The following SOX6 variants were observed in gnomAD, a reference collection of about 807,000 sequenced individuals.
SOX6 encodes SRY-box transcription factor 6.
A neutral mutation model predicts 97.8 loss-of-function variants in SOX6; 11 were observed. That is an observed-to-expected ratio of 0.11 (90% CI 0.07 to 0.19). The LOEUF is 0.19. SOX6 is among the 10% of genes least tolerant of loss of function. The probability of loss-of-function intolerance (pLI) is 1.00; values close to 1 mark genes in which losing one functional copy is unlikely to be tolerated. For missense variants in SOX6, 810 were observed against 1,039.5 expected (o/e 0.78, Z 3.04); for synonymous variants, 360 against 371.4 (o/e 0.97, Z 0.35).
At chr11:16,386,636 T>C (rs1857994942) in intron 1 of SOX6, among the ~76,000 whole-genome samples, 1 of 152,154 alleles carries the variant, frequency 6.6e-6, no homozygotes, top group Non-Finnish European at 1.5e-5. Context: ...GCTTCTTTTC[T>C]ATTTATGGCC....
In SOX6 at chr11:16,588,979, G is replaced by A. The variant is rs1017419590; in HGVS notation, n.609+23102C>T. On this transcript the variant is annotated intron_variant and non_coding_transcript_variant, in intron 4 of 5. Coordinates refer to the SOX6 transcript ENST00000524520. ...GTTTGAGGCTGAGTGAGCTATGATC[G>A]TGCCACTGCACTCCAGCCTCTGTGA... 3.9e-5 allele frequency among the ~76,000 whole-genome samples: 6 copies of A among 152,160 alleles called. No individual in the cohort carries two copies. The South Asian group carries it at 6.2e-4, about 16-fold the overall frequency.
intron 4 of SOX6, among the ~76,000 whole-genome samples, chr11:16,528,382 G>A (rs1462344016): frequency 6.6e-6 from 1 of 152,026 alleles, no homozygotes; most frequent in Non-Finnish European, 1.5e-5. Flanking sequence ...AGAAAATTCA[G>A]ACTCAGAGAA....
chr11:16,680,762 A>C (rs552533510), intron 3 of SOX6, among the ~76,000 whole-genome samples: 2 of 152,362 alleles, frequency 1.3e-5, no homozygotes, highest in South Asian at 2.1e-4. Context: ...GGATGGAAGA[A>C]GATCTATCAA....
chr11:16,318,447 C>G lies in SOX6; in HGVS notation c.444G>C (p.Glu148Asp), dbSNP rs766934438. The G allele has an allele frequency of 2.5e-6, 4 of 1,613,054 alleles. No homozygotes were observed. Among genetic ancestry groups the G allele is most frequent in the Non-Finnish European group, 3.4e-6 (4 of 1,179,552 alleles). The part of the protein sequence containing the change: ...KLEEMTRTEQ[E>D]DSSCMEKLLS... ...CCCAACAGTGAAGTCCACACATACC[C>G]TCTTGTTCAGTCCGAGTCATTTCCT... The change falls in exon 3 of 16, where the codon GAG becomes GAC. Residue 148 changes from glutamate to aspartate, a missense_variant and splice_region_variant. Transcript: ENST00000683767.
chr11:16,450,122 C>G (rs1395933043), intron 1 of SOX6, among the ~76,000 whole-genome samples: 1 of 152,054 alleles, frequency 6.6e-6, no homozygotes, highest in African/African-American at 2.4e-5. Context: ...CAAATAGACC[C>G]CTGCGCAAAC....
chr11:16,690,891 T>A (rs1287891841), intron 3 of SOX6, among the ~76,000 whole-genome samples: 3 of 152,214 alleles, frequency 2.0e-5, no homozygotes, highest in South Asian at 4.1e-4. Flanking sequence ...AATACTTTTT[T>A]AAAAATCCAT....
chr11:16,452,321 C>T (rs960113206), intron 1 of SOX6, among the ~76,000 whole-genome samples: 2 of 151,978 alleles, frequency 1.3e-5, no homozygotes, highest in Admixed American at 6.6e-5. Context: ...TTTGCACCCA[C>T]AGCAAGAAAT....
chr11:15,978,183 G>A (rs1307129992), intron 15 of SOX6, among the ~76,000 whole-genome samples: 7 of 151,870 alleles, frequency 4.6e-5, no homozygotes, highest in Non-Finnish European at 5.9e-5. Flanking sequence ...AACCTCTCTC[G>A]GCACATCTCC....
chr11:15,995,668 C>T (rs1854202308), intron 13 of SOX6, among the ~76,000 whole-genome samples: 1 of 152,032 alleles, frequency 6.6e-6, no homozygotes, highest in Non-Finnish European at 1.5e-5. Flanking sequence ...CAAATAAATA[C>T]AACAAAACCA....
At chr11:16,019,055 C>T (rs1452837470) in intron 12 of SOX6, among the ~76,000 whole-genome samples, 1 of 152,050 alleles carries the variant, frequency 6.6e-6, no homozygotes, top group Non-Finnish European at 1.5e-5. Context: ...GAGAGACAAG[C>T]CTTTTTCAAA....
chr11:16,039,853 C>T (rs1454174160), intron 12 of SOX6, among the ~76,000 whole-genome samples: 2 of 151,890 alleles, frequency 1.3e-5, no homozygotes, highest in Admixed American at 1.3e-4. Flanking sequence ...CAAAACTCTT[C>T]AGGGTCTTTG....
chr11:16,087,995 G>C lies in SOX6; in HGVS notation c.1101+8001C>G, dbSNP rs61120830. Among the ~76,000 whole-genome samples, 8 of 151,566 alleles carry C rather than the reference G, an allele frequency of 5.3e-5. No homozygotes were observed. In the East Asian group the frequency reaches 7.8e-4, roughly 15 times the overall value. On this transcript the variant is annotated intron_variant, in intron 9 of 15. Transcript: ENST00000683767. ...CAACCACACCCTTGTGGGACAGGGT[G>C]GGGGGTGGGGAAAGTTGCCCTCAGC...
At chr11:16,313,966 C>A (rs1410127910) in intron 3 of SOX6, 2 of 152,058 alleles carry the variant, frequency 1.3e-5, no homozygotes, top group Admixed American at 1.3e-4. Context: ...TGCCTTCGTT[C>A]AGCAGACCCT....
intron 13 of SOX6, among the ~76,000 whole-genome samples, chr11:15,991,179 C>A (rs1212000039): frequency 6.6e-6 from 1 of 152,124 alleles, no homozygotes; most frequent in African/African-American, 2.4e-5. Flanking sequence ...AGTCTTAGAT[C>A]CCAAGATGCA....
chr11:16,535,134 A>G (rs1334399391), intron 4 of SOX6, among the ~76,000 whole-genome samples: 2 of 152,218 alleles, frequency 1.3e-5, no homozygotes, highest in Non-Finnish European at 2.9e-5. Context: ...CTCACTGAAT[A>G]TATCATCACT....
chr11:16,459,091 C>G (rs760611062), intron 1 of SOX6, among the ~76,000 whole-genome samples: 1 of 151,882 alleles, frequency 6.6e-6, no homozygotes, highest in Non-Finnish European at 1.5e-5. Flanking sequence ...TTAAAAGGAA[C>G]AGAAGGAACA....
chr11:15,991,524 A>G (rs1160513549), intron 13 of SOX6, among the ~76,000 whole-genome samples: 1 of 152,214 alleles, frequency 6.6e-6, no homozygotes, highest in Non-Finnish European at 1.5e-5. Flanking sequence ...ATATACTGAC[A>G]TGCATTCACA....
intron 4 of SOX6, among the ~76,000 whole-genome samples, chr11:16,204,805 A>G (rs1442385745): frequency 6.6e-6 from 1 of 152,124 alleles, no homozygotes; most frequent in Non-Finnish European, 1.5e-5. Flanking sequence ...TCAACCCCCA[A>G]GTTTGACAAA....
chr11:16,450,153 A>C (rs2133095154), intron 1 of SOX6, among the ~76,000 whole-genome samples: 1 of 152,316 alleles, frequency 6.6e-6, no homozygotes, highest in East Asian at 1.9e-4. Context: ...TCTTTTTGTG[A>C]TGTAAAAAAA....
Sources: allele counts gnomAD v4.1 joint callset (sites outside exome capture counted in the v4.1 genomes callset), GRCh38; gene constraint gnomAD v4.1.1; transcripts MANE v1.5; gene names NCBI Gene and HGNC (gene_info 2026-07-23, HGNC 2026-07-21).